Variants in NPR3 observed in about 807,000 individuals in gnomAD.
The protein encoded by NPR3 is natriuretic peptide receptor 3.
Under a neutral mutation model 54.5 loss-of-function variants are expected in NPR3, and 34 were observed. The ratio of observed to expected loss-of-function variants is 0.62; its 90% CI spans 0.47 to 0.83. The LOEUF is 0.83. Among genes scored for constraint, NPR3 ranks in the 40% least tolerant of loss-of-function variants. The pLI, the probability that NPR3 is intolerant of heterozygous loss-of-function variation, is 0.00. For missense variants in NPR3, 674 were observed against 720.8 expected (o/e 0.94, Z 0.74); for synonymous variants, 289 against 297.1 (o/e 0.97, Z 0.28).
chr5:32,695,632 C>A (rs1302400832), intron 1 of NPR3, among the ~76,000 whole-genome samples: 1 of 152,210 alleles, frequency 6.6e-6, no homozygotes, highest in Non-Finnish European at 1.5e-5. Flanking sequence ...AGTTTACATT[C>A]CCACCAACAG....
chr5:32,724,386 T>C (rs923423723), intron 1 of NPR3, among the ~76,000 whole-genome samples: 16 of 152,084 alleles, frequency 1.1e-4, no homozygotes, highest in African/African-American at 4.8e-5. Context: ...ATCCCCCAAG[T>C]TGGGTTTGTG....
intron 3 of NPR3, among the ~76,000 whole-genome samples, chr5:32,769,253 G>A (rs1415486548): frequency 1.3e-5 from 2 of 152,182 alleles, no homozygotes; most frequent in Non-Finnish European, 2.9e-5. Flanking sequence ...TATTTTTAAA[G>A]TCTAGGTACT....
At chr5:32,770,466 A>T (rs762716295) in intron 3 of NPR3, among the ~76,000 whole-genome samples, 2 of 152,064 alleles carry the variant, frequency 1.3e-5, no homozygotes, top group African/African-American at 2.4e-5. Context: ...ATAGAAAGAA[A>T]ATAGAAATGA....
At chr5:32,780,864 A>G (rs775596030) in intron 5 of NPR3, 48 bp downstream of exon 5, 1 of 823,470 alleles carries the variant, frequency 1.2e-6, no homozygotes, top group Non-Finnish European at 2.1e-6. Context: ...GCTCGTGGGG[A>G]CTCTGAGGAA....
chr5:32,717,542 C>A (rs1330133750), intron 1 of NPR3, among the ~76,000 whole-genome samples: 3 of 152,150 alleles, frequency 2.0e-5, no homozygotes, highest in Admixed American at 1.3e-4. Context: ...TTAATGATTG[C>A]CATTCTAACT....
At chr5:32,697,560 A>G (rs1740561976) in intron 1 of NPR3, among the ~76,000 whole-genome samples, 1 of 151,682 alleles carries the variant, frequency 6.6e-6, no homozygotes, top group Non-Finnish European at 1.5e-5. Flanking sequence ...GTTTGAGTAG[A>G]ATTGGTATTA....
intron 2 of NPR3, among the ~76,000 whole-genome samples, chr5:32,732,088 A>G (rs1739484943): frequency 6.6e-6 from 1 of 151,780 alleles, no homozygotes; most frequent in African/African-American, 2.4e-5. Context: ...AAAAATACAG[A>G]AAATTAGCCG....
intron 2 of NPR3, among the ~76,000 whole-genome samples, chr5:32,736,468 T>C (rs1739755811): frequency 6.6e-6 from 1 of 152,162 alleles, no homozygotes; most frequent in Non-Finnish European, 1.5e-5. Context: ...AGAACTTTTT[T>C]CCAGAGCTGA....
At chr5:32,762,439 A>AT (rs1309321372) in intron 3 of NPR3, among the ~76,000 whole-genome samples, 1 of 118,922 alleles carries the variant, frequency 8.4e-6, no homozygotes, top group Non-Finnish European at 2.0e-5. Flanking sequence ...ATTTCTCCAC[A>AT]TCCTCTCCAG....
chr5:32,729,139 C>A lies in NPR3; in HGVS notation c.892+4319C>A, dbSNP rs571368821. 3.4e-5 allele frequency among the ~76,000 whole-genome samples: 5 copies of A among 148,694 alleles called. No homozygotes were observed. In the East Asian group the frequency reaches 9.9e-4, roughly 30 times the overall value. ...CCGCCTCCCGGGTTCACGCCATTCT[C>A]CTGCCTCAGCCTCCCAAGTAGCTGG... On this transcript the variant is annotated intron_variant, in intron 2 of 7. Coordinates refer to ENST00000265074, the MANE Select transcript of NPR3 (RefSeq NM_001204375.2).
intron 3 of NPR3, among the ~76,000 whole-genome samples, chr5:32,771,102 G>T (rs1741734513): frequency 6.6e-6 from 1 of 151,230 alleles, no homozygotes; most frequent in African/African-American, 2.4e-5. Flanking sequence ...CGAATTTTCA[G>T]TGTCTACAAT....
At chr5:32,712,621 T>A in intron 1 of NPR3, 76 bp downstream of exon 1, 3 of 1,359,834 alleles carry the variant, frequency 2.2e-6, no homozygotes, top group Non-Finnish European at 3.0e-6. Flanking sequence ...ACTCGTCCAC[T>A]CTGCAGACCC....
chr5:32,729,022 T>G (rs1301765669), intron 2 of NPR3, among the ~76,000 whole-genome samples: 2 of 101,442 alleles, frequency 2.0e-5, no homozygotes, highest in Admixed American at 1.1e-4. Flanking sequence ...GTGTTTTTTT[T>G]TTTTTTTGTT....
chr5:32,711,469 T>C lies in NPR3; in HGVS notation c.-308T>C, dbSNP rs1273792058. 6 of 1,111,570 alleles carry C rather than the reference T, an allele frequency of 5.4e-6. No individual in the cohort carries two copies. Among genetic ancestry groups the C allele is most frequent in the South Asian group, 4.4e-5 (1 of 22,488 alleles). 68.9% of individuals were successfully genotyped at this position (1,111,570 alleles called of 1,614,324 possible). A position where few individuals can be genotyped will look rare whatever the true frequency, so the allele number is the denominator to read the frequency against. On this transcript the variant is annotated 5_prime_UTR_variant, in exon 1 of 8. Transcript: ENST00000265074. ...AAGAAGCCACCTCTAAGCAAAATAG[T>C]ATATGTATAAACGGAGGGCGAATAT...
At chr5:32,710,859 GTTT>G (rs56022335), upstream of NPR3, 1,004 of 976,958 alleles carry the variant, frequency 1.0e-3, no homozygotes, top group African/African-American at 1.9e-3. Flanking sequence ...CCCAGTCCTG[GTTT>G]TTTTTTTTTT....
chr5:32,759,583 T>A (rs1741044176), intron 3 of NPR3, among the ~76,000 whole-genome samples: 1 of 152,234 alleles, frequency 6.6e-6, no homozygotes, highest in South Asian at 2.1e-4. Flanking sequence ...GTCTTTTAAT[T>A]GGAGTATTCA....
intron 1 of NPR3, among the ~76,000 whole-genome samples, chr5:32,718,402 TG>T (rs1199211392): frequency 6.6e-6 from 1 of 152,254 alleles, no homozygotes; most frequent in Non-Finnish European, 1.5e-5. Flanking sequence ...TTGATGGGGA[TG>T]GCATTGAATC....
intron 3 of NPR3, among the ~76,000 whole-genome samples, chr5:32,754,516 A>ACCCC (rs1740736559): frequency 6.6e-6 from 1 of 152,090 alleles, no homozygotes; most frequent in Non-Finnish European, 1.5e-5. Context: ...AGAGAGAGGA[A>ACCCC]CTAGAATAAT....
intron 6 of NPR3, among the ~76,000 whole-genome samples, chr5:32,784,415 C>T (rs1742500296): frequency 6.6e-6 from 1 of 152,166 alleles, no homozygotes; most frequent in Admixed American, 6.5e-5. Flanking sequence ...TCTCAAACTC[C>T]TGACCTCAGG....
Sources: allele counts gnomAD v4.1 joint callset (sites outside exome capture counted in the v4.1 genomes callset), GRCh38; gene constraint gnomAD v4.1.1; transcripts MANE v1.5; gene names NCBI Gene and HGNC (gene_info 2026-07-23, HGNC 2026-07-21).